OXCT1: variants seen among roughly 807,000 people sequenced by gnomAD.
The protein encoded by OXCT1 is succinyl-CoA:3-ketoacid coenzyme A transferase 1, mitochondrial.
OXCT1 carries 27 observed loss-of-function variants against 69.6 expected under a neutral mutation model. That is an observed-to-expected ratio of 0.39 (90% CI 0.29 to 0.54). The LOEUF is 0.54. Among genes scored for constraint, OXCT1 ranks in the 20% least tolerant of loss-of-function variants. The pLI is 0.72. For synonymous variants in OXCT1, 202 were observed against 217.8 expected (o/e 0.93, Z 0.64); for missense variants, 437 against 650.2 (o/e 0.67, Z 3.57).
In OXCT1 at chr5:41,856,378, T is replaced by C. The variant is rs141202422; in HGVS notation, c.279-2824A>G. 6.5e-3 allele frequency among the ~76,000 whole-genome samples: 996 copies of C among 152,260 alleles called. 4 individuals carry two copies. The highest frequency in any genetic ancestry group is 9.6e-3 in the Non-Finnish European group (654 of 68,004). The stretch of plus-strand genomic sequence containing the variant: ...TTGGTTGGGGGAAATTAACAAGCAC[T>C]AGTGACGCCTACTTACTTGATCTGG... On this transcript the variant is annotated intron_variant, in intron 3 of 16. Transcript: ENST00000196371.
At chr5:41,836,588 C>T (rs892827041) in intron 7 of OXCT1, among the ~76,000 whole-genome samples, 11 of 152,014 alleles carry the variant, frequency 7.2e-5, no homozygotes, top group Non-Finnish European at 1.2e-4. Flanking sequence ...TGGGCAGGGA[C>T]GTGGTTTTGG....
intron 15 of OXCT1, among the ~76,000 whole-genome samples, chr5:41,746,454 C>G (rs759671884): frequency 6.6e-6 from 1 of 152,034 alleles, no homozygotes; most frequent in Non-Finnish European, 1.5e-5. Flanking sequence ...CTTCATTGCT[C>G]TTAATGGCAC....
chr5:41,751,690 G>A (rs567691697), intron 14 of OXCT1, among the ~76,000 whole-genome samples: 383 of 152,218 alleles, frequency 2.5e-3, no homozygotes, highest in Non-Finnish European at 2.3e-3. Context: ...TAAAACCTGC[G>A]AGGAAATTAA....
At chr5:41,791,805 TA>T (rs904681551) in intron 13 of OXCT1, among the ~76,000 whole-genome samples, 3 of 152,060 alleles carry the variant, frequency 2.0e-5, no homozygotes, top group Admixed American at 2.0e-4. Context: ...TTTATTTATT[TA>T]TTTTTTTTTT....
At chr5:41,857,626 C>T (rs1214357074) in intron 3 of OXCT1, among the ~76,000 whole-genome samples, 2 of 152,156 alleles carry the variant, frequency 1.3e-5, no homozygotes, top group East Asian at 1.9e-4. Flanking sequence ...ATTGGATAAC[C>T]CCCTCCATAA....
At chr5:41,868,940 AG>A (rs1415638644) in intron 1 of OXCT1, among the ~76,000 whole-genome samples, 1 of 152,196 alleles carries the variant, frequency 6.6e-6, no homozygotes, top group Non-Finnish European at 1.5e-5. Flanking sequence ...AAGATGGAAA[AG>A]ACTTGAAGTG....
chr5:41,764,706 T>C (rs1017715080), intron 13 of OXCT1, among the ~76,000 whole-genome samples: 8 of 152,126 alleles, frequency 5.3e-5, no homozygotes, highest in African/African-American at 1.9e-4. Context: ...CTCTCCATTA[T>C]AAATATTTGG....
At chr5:41,809,264 T>C (rs1019943318) in intron 7 of OXCT1, among the ~76,000 whole-genome samples, 5 of 152,066 alleles carry the variant, frequency 3.3e-5, no homozygotes, top group African/African-American at 4.8e-5. Flanking sequence ...TTCCTTTTAC[T>C]TTTATAATCA....
intron 13 of OXCT1, among the ~76,000 whole-genome samples, chr5:41,763,702 G>A (rs1207371145): frequency 6.6e-6 from 1 of 152,084 alleles, no homozygotes; most frequent in African/African-American, 2.4e-5. Flanking sequence ...TTGGCAGACT[G>A]AGGGGGCGAG....
intron 13 of OXCT1, among the ~76,000 whole-genome samples, chr5:41,792,966 C>A (rs911484203): frequency 7.2e-5 from 11 of 152,156 alleles, no homozygotes; most frequent in Non-Finnish European, 1.3e-4. Context: ...CTGAGGTATT[C>A]TAATACACCA....
In OXCT1 at chr5:41,746,653, G is replaced by A. The variant is rs116305616; in HGVS notation, c.1419+2874C>T. Reference sequence around the variant, plus strand: ...TTATCCCCATATGTTAATGACACCCGCAAGTTTATTCCAATACTGACTTCT... The same window carrying A: ...TTATCCCCATATGTTAATGACACCCACAAGTTTATTCCAATACTGACTTCT... On this transcript the variant is annotated intron_variant, in intron 15 of 16. Transcript: ENST00000196371. 6.4e-3 allele frequency among the ~76,000 whole-genome samples: 978 copies of A among 152,020 alleles called. 9 individuals are homozygous for A. Among genetic ancestry groups the A allele is most frequent in the Middle Eastern group, 0.027 (8 of 294 alleles).
chr5:41,817,880 C>T (rs1747325848), intron 7 of OXCT1, among the ~76,000 whole-genome samples: 1 of 152,186 alleles, frequency 6.6e-6, no homozygotes. Context: ...TACAGAACAG[C>T]TGGTGGCACA....
At position 41,762,264 on chromosome 5, in the gene OXCT1, T is replaced by A; in HGVS notation, c.1249-64A>T. ...TCTTTTGTATGTGACAGAACAAAAT[T>A]AACTTGCAAAAATAAGCTACTAGAA... On this transcript the variant is annotated intron_variant, in intron 13 of 16. Coordinates refer to ENST00000196371, the MANE Select transcript of OXCT1 (RefSeq NM_000436.4). The surrounding 1 kb of genome is among the most constrained non-coding windows in gnomAD (Gnocchi z 4.0). 1 of 1,275,386 alleles carries A rather than the reference T, an allele frequency of 7.8e-7. No individual in the cohort carries two copies. The highest frequency in any genetic ancestry group is 1.1e-6 in the Non-Finnish European group (1 of 870,858). 79.0% of individuals were successfully genotyped at this position (1,275,386 alleles called of 1,614,324 possible). A position where few individuals can be genotyped will look rare whatever the true frequency, so the allele number is the denominator to read the frequency against.
chr5:41,849,826 T>A (rs937019005), intron 5 of OXCT1, among the ~76,000 whole-genome samples: 2 of 152,232 alleles, frequency 1.3e-5, no homozygotes, highest in African/African-American at 4.8e-5. Flanking sequence ...CACCATTTTT[T>A]CCTTCTTTTT....
Position 41,842,610 on chromosome 5 carries a change from T to A in OXCT1, c.671+65A>T. On this transcript the variant is annotated intron_variant, in intron 6 of 16. Transcript: ENST00000196371. ...CGAAAATACATTTTTAAATTCCAAA[T>A]TCACTCTGATGTCCATTTTTAGAGT... 4.5e-6 allele frequency: 5 copies of A among 1,122,612 alleles called. 1 individual carries two copies. The South Asian group carries it at 4.9e-5, about 11-fold the overall frequency. 69.5% of individuals were successfully genotyped at this position (1,122,612 alleles called of 1,614,324 possible). A position where few individuals can be genotyped will look rare whatever the true frequency, so the allele number is the denominator to read the frequency against.
At chr5:41,861,438 A>G in intron 2 of OXCT1, 34 bp from the exon 3 acceptor site, 1 of 1,180,324 alleles carries the variant, frequency 8.5e-7, no homozygotes, top group Non-Finnish European at 1.3e-6. Context: ...CAATTTGTAA[A>G]GGGGGTAACA....
chr5:41,804,119 T>C (rs1450955225), intron 9 of OXCT1, among the ~76,000 whole-genome samples: 1 of 152,148 alleles, frequency 6.6e-6, no homozygotes, highest in African/African-American at 2.4e-5. Context: ...AGGTCACTTC[T>C]TGTGGATAGA....
chr5:41,743,164 T>C (rs538415651), intron 15 of OXCT1, among the ~76,000 whole-genome samples: 5 of 152,276 alleles, frequency 3.3e-5, no homozygotes, highest in African/African-American at 1.2e-4. Context: ...TTTTAATGAT[T>C]GCCATTCTAA....
chr5:41,794,526 T>A, intron 12 of OXCT1, 151 bp downstream of exon 12: 1 of 705,960 alleles, frequency 1.4e-6, no homozygotes, highest in South Asian at 1.7e-5. Flanking sequence ...ACATTCGATG[T>A]GAATAATTTC....
Sources: gnomAD v4.1 joint callset for allele counts (sites outside exome capture counted in the v4.1 genomes callset) on GRCh38, gnomAD v4.1.1 for gene constraint, Gnocchi (gnomAD v3.1) non-coding constraint, MANE v1.5 for transcripts, NCBI Gene and HGNC (gene_info 2026-07-23, HGNC 2026-07-21) for gene names.